Variants in PRRT4 observed in about 807,000 individuals in gnomAD.
PRRT4 encodes the protein proline-rich transmembrane protein 4.
A neutral mutation model predicts 55.6 loss-of-function variants in PRRT4; 59 were observed. That is an observed-to-expected ratio of 1.06 (90% CI 0.86 to 1.32). The LOEUF (loss-of-function observed/expected upper bound fraction) is 1.32, where lower values mean the gene tolerates loss of function less well. Among genes scored for constraint, PRRT4 ranks in the 40% most tolerant of loss-of-function variants. PRRT4 has a pLI of 0.00. For synonymous variants in PRRT4, 606 were observed against 601.8 expected, an observed-to-expected ratio of 1.01 and a Z score of -0.10; for missense variants, 1,217 against 1,222.0, an observed-to-expected ratio of 1.00 and a Z score of 0.06.
chr7:128,352,118 C>G (rs2116445689), exon 5 of PRRT4: 3 of 1,167,888 alleles, frequency 2.6e-6, no homozygotes, highest in African/African-American at 3.2e-5. Context: ...AGGGCGGCGG[C>G]GGCCGCCAGC....
chr7:128,359,326 G>A lies in PRRT4; in HGVS notation c.652+14C>T. ...CCCAGCAGGGGCTTTCCTTGGGATG[G>A]GGTGGTTACTCACCAAAGGGTCCCA... On this transcript the variant is annotated intron_variant, in intron 2 of 4. Transcript: ENST00000535159. 6.7e-7 allele frequency: 1 copy of A among 1,498,318 alleles called. No homozygotes were observed. Among genetic ancestry groups the A allele is most frequent in the Non-Finnish European group, 8.9e-7 (1 of 1,125,154 alleles). 92.8% of individuals were successfully genotyped at this position (1,498,318 alleles called of 1,614,324 possible).
chr7:128,351,148 G>C (rs1796951992), exon 5 of PRRT4: 2 of 1,547,006 alleles, frequency 1.3e-6, no homozygotes, highest in African/African-American at 1.4e-5. Context: ...GAACGAGCCA[G>C]ATGAGACGCT....
rs554281701 is a variant in PRRT4 at position 128,357,607 on chromosome 7, G to T, written c.877+1074C>A. On this transcript the variant is annotated intron_variant, in intron 4 of 4. Coordinates refer to ENST00000535159, the Ensembl canonical transcript of PRRT4. The stretch of plus-strand genomic sequence containing the variant: ...CCCCTCACCCACCATCCAAGGGAGT[G>T]CAGTGACTGTGGCTGGAGTGAGCCA... Among the ~76,000 whole-genome samples, 4 of 152,354 alleles carry T rather than the reference G, an allele frequency of 2.6e-5. No individual in the cohort carries two copies. The East Asian group carries it at 7.7e-4, about 29-fold the overall frequency.
intron 1 of PRRT4, among the ~76,000 whole-genome samples, chr7:128,360,703 T>G (rs1797229333): frequency 6.8e-6 from 1 of 146,686 alleles, no homozygotes; most frequent in Admixed American, 6.7e-5. Flanking sequence ...GCCTGTTCCC[T>G]TCCCTAGGAC....
chr7:128,351,995 C>CGCCCCAGCAGGAGA lies in PRRT4; in HGVS notation c.1547_1560dup (p.Gly521SerfsTer55). On this transcript the variant is annotated frameshift_variant, in exon 5 of 5. Transcript: ENST00000535159. LOFTEE classifies it high-confidence loss of function. ...GGCGCCCCGGCCCGCCGCCGCCGCC[C>CGCCCCAGCAGGAGA]GCCCCAGCAGGAGAGCGCCAGCAGC... 1 of 1,309,698 alleles carries CGCCCCAGCAGGAGA rather than the reference C, an allele frequency of 7.6e-7. No individual in the cohort carries two copies. Among genetic ancestry groups the CGCCCCAGCAGGAGA allele is most frequent in the Non-Finnish European group, 9.7e-7 (1 of 1,026,752 alleles). The allele number at this position is 1,309,698 out of a possible 1,614,324, so 81.1% of individuals were successfully genotyped here.
intron 4 of PRRT4, among the ~76,000 whole-genome samples, chr7:128,353,058 T>C (rs1428706900): frequency 6.6e-6 from 1 of 152,106 alleles, no homozygotes; most frequent in African/African-American, 2.4e-5. Context: ...AAGGAAGCTT[T>C]ATGAGAACGG....
At chr7:128,359,431 A>G (rs1258695874) in exon 2 of PRRT4, 1 of 1,464,286 alleles carries the variant, frequency 6.8e-7, no homozygotes, top group East Asian at 2.5e-5. Context: ...TGGGGGCTGC[A>G]CCTGCTCTCA....
rs1562966433 is a variant in PRRT4, at chr7:128,352,246, T to C, written c.1310A>G (p.Gln437Arg). ...AGCCAAGCAGGGCAGCGGAAGGTCC[T>C]GCAGCAGCAGCCAGGCGAGCGCGGG... The change falls in exon 5 of 5, where the codon CAG becomes CGG. Residue 437 changes from glutamine (Q) to arginine (R), a missense_variant. By Grantham distance (43) the Gln-to-Arg change is conservative. Coordinates refer to ENST00000535159, the Ensembl canonical transcript of PRRT4. 4 of 1,541,376 alleles carry C rather than the reference T, an allele frequency of 2.6e-6. No homozygotes were observed. The East Asian group carries it at 9.8e-5, about 38-fold the overall frequency.
chr7:128,352,505 CG>C lies in PRRT4; in HGVS notation c.1050del (p.Asp351ThrfsTer20). On this transcript the variant is annotated frameshift_variant, in exon 5 of 5. Transcript: ENST00000535159. LOFTEE classifies it high-confidence loss of function. The stretch of plus-strand genomic sequence containing the variant: ...CAGCGAGCCCTGGCCTCTGCCCAGT[CG>C]GCCTCCAGGGTCAGGAAAAAGAGGG... The C allele has an allele frequency of 6.5e-7, 1 of 1,542,182 alleles. No homozygotes were observed. Among genetic ancestry groups the C allele is most frequent in the Non-Finnish European group, 8.7e-7 (1 of 1,146,844 alleles).
At chr7:128,353,066 C>T (rs909978146) in intron 4 of PRRT4, among the ~76,000 whole-genome samples, 6 of 152,156 alleles carry the variant, frequency 3.9e-5, no homozygotes, top group South Asian at 2.1e-4. Context: ...TTTATGAGAA[C>T]GGGGATTTTT....
intron 1 of PRRT4, 34 bp downstream of exon 1, chr7:128,361,527 C>CCCCCGGCCCAG (rs1161762101): frequency 3.3e-5 from 5 of 153,254 alleles, no homozygotes; most frequent in South Asian, 3.6e-4. Context: ...CCCTGAGCCG[C>CCCCCGGCCCAG]CCCCGGCCCA....
intron 4 of PRRT4, among the ~76,000 whole-genome samples, chr7:128,357,254 T>G (rs1408647035): frequency 1.4e-5 from 2 of 139,244 alleles, no homozygotes; most frequent in Non-Finnish European, 3.3e-5. Flanking sequence ...TCTCTCTCTC[T>G]CTCTCTCTCT....
At chr7:128,352,842 C>T (rs1328630509) in intron 4 of PRRT4, among the ~76,000 whole-genome samples, 164 bp from the exon 6 acceptor site, 1 of 152,104 alleles carries the variant, frequency 6.6e-6, no homozygotes, top group African/African-American at 2.4e-5. Context: ...CTTTCCCTCC[C>T]CCGCGCCCCT....
At chr7:128,352,286 G>A (rs1286352067) in exon 5 of PRRT4, 1 of 1,543,618 alleles carries the variant, frequency 6.5e-7, no homozygotes, top group East Asian at 2.4e-5. Context: ...CGATCCCTGT[G>A]CCCATAGGCG....
intron 1 of PRRT4, among the ~76,000 whole-genome samples, chr7:128,360,336 G>A (rs1185901367): frequency 6.6e-6 from 1 of 152,164 alleles, no homozygotes; most frequent in Non-Finnish European, 1.5e-5. Context: ...TCCTTAACTA[G>A]TAGCAAAAGG....
In PRRT4 at chr7:128,359,320, G is replaced by A. The variant is rs775672721; in HGVS notation, c.652+20C>T. 37 of 1,505,174 alleles carry A rather than the reference G, an allele frequency of 2.5e-5. No individual in the cohort carries two copies. The highest frequency in any genetic ancestry group is 3.3e-5 in the Non-Finnish European group (37 of 1,128,146). 93.2% of individuals were successfully genotyped at this position (1,505,174 alleles called of 1,614,324 possible). On this transcript the variant is annotated intron_variant, in intron 2 of 4. Coordinates refer to ENST00000535159, the Ensembl canonical transcript of PRRT4. ...GGGGTGCCCAGCAGGGGCTTTCCTT[G>A]GGATGGGGTGGTTACTCACCAAAGG...
At chr7:128,356,422 G>A (rs1418577273) in intron 4 of PRRT4, among the ~76,000 whole-genome samples, 2 of 152,212 alleles carry the variant, frequency 1.3e-5, no homozygotes, top group African/African-American at 4.8e-5. Context: ...AATGGGGACA[G>A]GTGGAAAAAA....
At chr7:128,352,635 G>T in exon 5 of PRRT4, 1 of 1,539,552 alleles carries the variant, frequency 6.5e-7, no homozygotes. Flanking sequence ...CGAGGCTGGC[G>T]GGAGGAGAGA....
At position 128,361,543 on chromosome 7, in the gene PRRT4, G is replaced by A. The variant is rs1254887824; in HGVS notation, c.-73+18C>T. 6.5e-6 allele frequency: 1 copy of A among 152,728 alleles called. No individual in the cohort carries two copies. The highest frequency in any genetic ancestry group is 1.5e-5 in the Non-Finnish European group (1 of 68,084). 9.5% of individuals were successfully genotyped at this position (152,728 alleles called of 1,614,324 possible). On this transcript the variant is annotated intron_variant, in intron 1 of 4. Coordinates refer to ENST00000535159, the Ensembl canonical transcript of PRRT4. Reference sequence around the variant, plus strand: ...CCTGAGCCGCCCCCGGCCCAGCCCCGGCCCGCAGCGCTCTCACCAGGCGGG... The same window carrying A: ...CCTGAGCCGCCCCCGGCCCAGCCCCAGCCCGCAGCGCTCTCACCAGGCGGG...
Sources: gnomAD v4.1 joint callset for allele counts (sites outside exome capture counted in the v4.1 genomes callset) on GRCh38, gnomAD v4.1.1 for gene constraint, MANE v1.5 for transcripts, NCBI Gene and HGNC (gene_info 2026-07-23, HGNC 2026-07-21) for gene names.